Variants in MFSD6 observed in about 807,000 individuals in gnomAD.
MFSD6 encodes the protein major facilitator superfamily domain-containing protein 6.
Under a neutral mutation model 56.3 loss-of-function variants are expected in MFSD6, and 26 were observed. The ratio of observed to expected loss-of-function variants is 0.46; its 90% confidence interval spans 0.34 to 0.64. MFSD6 has a LOEUF of 0.64. MFSD6 is among the 30% of genes least tolerant of loss of function. MFSD6 has a pLI of 0.01. For missense variants in MFSD6, 750 were observed against 986.2 expected, an observed-to-expected ratio of 0.76 and a Z score of 3.21; for synonymous variants, 331 against 366.9, an observed-to-expected ratio of 0.90 and a Z score of 1.12.
At chr2:190,472,645 CA>C (rs1192794179) in intron 4 of MFSD6, among the ~76,000 whole-genome samples, 6 of 152,130 alleles carry the variant, frequency 3.9e-5, no homozygotes, top group Non-Finnish European at 8.8e-5. Context: ...AGAATGGAAC[CA>C]AGTTGGAAAA....
chr2:190,453,069 G>A (rs74417427), intron 3 of MFSD6, among the ~76,000 whole-genome samples: 4,186 of 152,138 alleles, frequency 0.028, 97 homozygotes, highest in Non-Finnish European at 0.038. Context: ...GTTGGAGGTG[G>A]AAGACAGTAA....
rs1689148291 is a variant in MFSD6 at position 190,488,536 on chromosome 2, A to G, written c.1631-121A>G. 1 of 929,832 alleles carries G rather than the reference A, an allele frequency of 1.1e-6. No homozygotes were observed. Among genetic ancestry groups the G allele is most frequent in the Non-Finnish European group, 1.5e-6 (1 of 662,846 alleles). 57.6% of individuals were successfully genotyped at this position (929,832 alleles called of 1,614,324 possible). A position where few individuals can be genotyped will look rare whatever the true frequency, so the allele number is the denominator to read the frequency against. ...AAAATGTGAAAATGGTAAATTTTTA[A>G]TGTATGTTTTCCCACAACAAATCTT... On this transcript the variant is annotated intron_variant, in intron 4 of 7. Transcript: ENST00000392328. This position sits in a 1 kb window ranked among gnomAD's most constrained non-coding sequence, Gnocchi z 6.4.
intron 4 of MFSD6, among the ~76,000 whole-genome samples, chr2:190,474,400 C>A (rs1159439083): frequency 6.6e-6 from 1 of 152,188 alleles, no homozygotes; most frequent in Non-Finnish European, 1.5e-5. Context: ...ACCGATCCCA[C>A]AGAAATACAA....
At chr2:190,455,181 T>G (rs1352077552) in intron 3 of MFSD6, among the ~76,000 whole-genome samples, 1 of 152,118 alleles carries the variant, frequency 6.6e-6, no homozygotes, top group East Asian at 1.9e-4. Context: ...ATTGGTATCA[T>G]CAAAATAGAG....
Position 190,437,175 on chromosome 2 carries a change from C to G in MFSD6, c.1146C>G (p.Ala382=), listed in dbSNP as rs2125051795. The part of the protein sequence containing the change: ...FIVFGVLMTM[A]LIVATQFRFR... ...TCTTCGGCGTTCTCATGACCATGGCCTTGATCGTTGCCACTCAGTTCCGGT... is the reference window on the plus strand; with the variant it reads ...TCTTCGGCGTTCTCATGACCATGGCGTTGATCGTTGCCACTCAGTTCCGGT... Residue 382 remains alanine, a synonymous_variant, in exon 3 of 8, where the codon GCC becomes GCG. Transcript: ENST00000392328. This position sits in a 1 kb window ranked among gnomAD's most constrained non-coding sequence, Gnocchi z 5.9. The G allele has an allele frequency of 1.2e-6, 2 of 1,614,224 alleles. No homozygotes were observed. Among genetic ancestry groups the G allele is most frequent in the Middle Eastern group, 3.3e-4 (2 of 6,062 alleles).
At position 190,437,277 on chromosome 2, in the gene MFSD6, T is replaced by C. The variant is rs1319099921; in HGVS notation, c.1248T>C (p.Ser416=). ...VEIPQVERNN[S]TESSEETPTT... is the part of the protein sequence containing the mutation. ...TCCCGCAGGTGGAAAGGAACAACTC[T>C]ACAGAGTCCTCTGAGGAGACACCAA... The change falls in exon 3 of 8, where the codon TCT becomes TCC. Residue 416 remains serine, a synonymous_variant. Transcript: ENST00000392328. The surrounding 1 kb of genome is among the most constrained non-coding windows in gnomAD (Gnocchi z 5.9). The C allele has an allele frequency of 6.2e-7, 1 of 1,614,020 alleles. No homozygotes were observed. Among genetic ancestry groups the C allele is most frequent in the African/African-American group, 1.3e-5 (1 of 74,904 alleles).
chr2:190,408,664 C>T (rs553357726), intron 1 of MFSD6, among the ~76,000 whole-genome samples, 161 bp downstream of exon 1: 1 of 151,774 alleles, frequency 6.6e-6, no homozygotes, highest in Non-Finnish European at 1.5e-5. Context: ...GCGTGCGCCG[C>T]TGTCTCCGCT....
Position 190,417,074 on chromosome 2 carries a change from C to T in MFSD6, c.-54+1661C>T, listed in dbSNP as rs1690807534. Among the ~76,000 whole-genome samples, 1 of 151,884 alleles carries T rather than the reference C, an allele frequency of 6.6e-6. No homozygotes were observed. The highest frequency in any genetic ancestry group is 2.1e-4 in the South Asian group (1 of 4,800). On this transcript the variant is annotated intron_variant, in intron 2 of 7. Transcript: ENST00000392328. The surrounding 1 kb of genome is among the most constrained non-coding windows in gnomAD (Gnocchi z 5.7). The stretch of plus-strand genomic sequence containing the variant: ...AAACGAGATATCTGTAAAAAGATAG[C>T]AATAAAATTACCTATAAATCCTACA...
chr2:190,487,938 G>C lies in MFSD6; in HGVS notation c.1631-719G>C, dbSNP rs1298208115. Among the ~76,000 whole-genome samples the C allele has an allele frequency of 6.6e-6, 1 of 152,066 alleles. No individual in the cohort carries two copies. The highest frequency in any genetic ancestry group is 1.5e-5 in the Non-Finnish European group (1 of 67,998). On this transcript the variant is annotated intron_variant, in intron 4 of 7. Transcript: ENST00000392328. This position sits in a 1 kb window ranked among gnomAD's most constrained non-coding sequence, Gnocchi z 5.5. ...CTTTTTTGAGACAGAATCTTGCTCT[G>C]TTGCCAGGCTGGGGAGTGCAGTGGC...
rs1414097920 is a variant in MFSD6 at position 190,437,987 on chromosome 2, G to A, written c.1532+426G>A. 6.6e-6 allele frequency among the ~76,000 whole-genome samples: 1 copy of A among 151,784 alleles called. No individual in the cohort carries two copies. Among genetic ancestry groups the A allele is most frequent in the Non-Finnish European group, 1.5e-5 (1 of 68,026 alleles). On this transcript the variant is annotated intron_variant, in intron 3 of 7. Transcript: ENST00000392328. This position sits in a 1 kb window ranked among gnomAD's most constrained non-coding sequence, Gnocchi z 5.9. The stretch of plus-strand genomic sequence containing the variant: ...AAGCCTTTATTCTCAGCCACTTGCT[G>A]ACATAGATAGAGCCTGAATATATGG...
Position 190,492,572 on chromosome 2 carries a change from T to G in MFSD6, c.1891+2706T>G, listed in dbSNP as rs932456321. 1.3e-4 allele frequency among the ~76,000 whole-genome samples: 19 copies of G among 151,984 alleles called. No homozygotes were observed. The highest frequency in any genetic ancestry group is 2.5e-4 in the Non-Finnish European group (17 of 68,006). On this transcript the variant is annotated intron_variant, in intron 6 of 7. Transcript: ENST00000392328. This position sits in a 1 kb window ranked among gnomAD's most constrained non-coding sequence, Gnocchi z 5.2. ...ATCATTGGGTCAACAGCAAAATCAA[T>G]ATGGAAATTTAAAATTGAACTGAAC...
chr2:190,409,231 T>C (rs1018184662), intron 1 of MFSD6, among the ~76,000 whole-genome samples: 2 of 152,110 alleles, frequency 1.3e-5, no homozygotes, highest in African/African-American at 4.8e-5. Context: ...ATAGAGCAAT[T>C]TTCCTGCAAA....
chr2:190,499,911 C>T lies in MFSD6; in HGVS notation c.2173-104C>T, dbSNP rs903968554. The T allele has an allele frequency of 2.3e-5, 37 of 1,576,344 alleles. No homozygotes were observed. Among genetic ancestry groups the T allele is most frequent in the African/African-American group, 4.1e-5 (3 of 74,070 alleles). ...ACTTGGTCCCTGAAATGGGCACTTCCGGATGATCTCCCCATGTTTCCTGTC... is the reference window on the plus strand; with the variant it reads ...ACTTGGTCCCTGAAATGGGCACTTCTGGATGATCTCCCCATGTTTCCTGTC... On this transcript the variant is annotated intron_variant, in intron 7 of 7. Coordinates refer to ENST00000392328, the MANE Select transcript of MFSD6 (RefSeq NM_017694.4). This position sits in a 1 kb window ranked among gnomAD's most constrained non-coding sequence, Gnocchi z 6.0.
intron 4 of MFSD6, chr2:190,477,170 G>T: frequency 3.9e-6 from 3 of 759,728 alleles, no homozygotes; most frequent in Non-Finnish European, 4.8e-6. Flanking sequence ...AAACCTGCAC[G>T]TTGTGCACAT....
rs902028158 is a variant in MFSD6, at chr2:190,495,527, C to T, written c.1892-1912C>T. 2.0e-5 allele frequency among the ~76,000 whole-genome samples: 3 copies of T among 152,060 alleles called. No homozygotes were observed. The highest frequency in any genetic ancestry group is 2.9e-5 in the Non-Finnish European group (2 of 67,996). ...AATTTCATATGGAGCCAAAAAAGAGCCTGCATAGCCAAAGTGAGACTAAGC... is the reference window on the plus strand; with the variant it reads ...AATTTCATATGGAGCCAAAAAAGAGTCTGCATAGCCAAAGTGAGACTAAGC... On this transcript the variant is annotated intron_variant, in intron 6 of 7. Coordinates refer to ENST00000392328, the MANE Select transcript of MFSD6 (RefSeq NM_017694.4). The surrounding 1 kb of genome is among the most constrained non-coding windows in gnomAD (Gnocchi z 4.7).
At position 190,480,833 on chromosome 2, in the gene MFSD6, T is replaced by G. The variant is rs1688622457; in HGVS notation, c.1631-7824T>G. Among the ~76,000 whole-genome samples the G allele has an allele frequency of 2.0e-5, 3 of 152,330 alleles. No individual in the cohort carries two copies. In the South Asian group the frequency reaches 6.2e-4, roughly 32 times the overall value. ...GCACAGTACCTGACCCACAGTTAGC[T>G]TCTAATAAATGTTAGAAAACATACA... On this transcript the variant is annotated intron_variant, in intron 4 of 7. Transcript: ENST00000392328.
chr2:190,410,924 C>T lies in MFSD6; in HGVS notation c.-176+2421C>T, dbSNP rs1196212047. ...TACAAAAATTAGCTGAGCGTGGTGGCGGGCGCCTGGAATCCCAGCTACTCA... is the reference window on the plus strand; with the variant it reads ...TACAAAAATTAGCTGAGCGTGGTGGTGGGCGCCTGGAATCCCAGCTACTCA... On this transcript the variant is annotated intron_variant, in intron 1 of 7. Transcript: ENST00000392328. The surrounding 1 kb of genome is among the most constrained non-coding windows in gnomAD (Gnocchi z 4.4). 1.3e-5 allele frequency among the ~76,000 whole-genome samples: 2 copies of T among 151,610 alleles called. No individual in the cohort carries two copies. The highest frequency in any genetic ancestry group is 6.6e-5 in the Admixed American group (1 of 15,242).
rs200984642 is a variant in MFSD6 at position 190,436,182 on chromosome 2, G to A, written c.153G>A (p.Glu51=). The A allele has an allele frequency of 2.6e-4, 418 of 1,614,020 alleles. No individual in the cohort carries two copies. The highest frequency in any genetic ancestry group is 3.4e-4 in the Non-Finnish European group (406 of 1,179,986). Residue 51 remains glutamate, a synonymous_variant, in exon 3 of 8, where the codon GAG becomes GAA. Coordinates refer to ENST00000392328, the MANE Select transcript of MFSD6 (RefSeq NM_017694.4). The surrounding 1 kb of genome is among the most constrained non-coding windows in gnomAD (Gnocchi z 5.3). Reference sequence around the variant, plus strand: ...CCACAGAAACATCTGCTATTCCTGAGGAGGAAATAGACTGGATAGAGAAAC... The same window carrying A: ...CCACAGAAACATCTGCTATTCCTGAAGAGGAAATAGACTGGATAGAGAAAC... ...PSSTETSAIP[E]EEIDWIEKHC...
chr2:190,445,484 G>T (rs1574121828), intron 3 of MFSD6, among the ~76,000 whole-genome samples: 1 of 130,914 alleles, frequency 7.6e-6, no homozygotes, highest in African/African-American at 2.7e-5. Flanking sequence ...ACTATACCCT[G>T]TTTAAAGAAC....
Sources: gnomAD v4.1 joint callset for allele counts (sites outside exome capture counted in the v4.1 genomes callset) on GRCh38, gnomAD v4.1.1 for gene constraint, Gnocchi (gnomAD v3.1) non-coding constraint, MANE v1.5 for transcripts, NCBI Gene and HGNC (gene_info 2026-07-23, HGNC 2026-07-21) for gene names.